Variants in PATJ observed in about 807,000 individuals in gnomAD.
The protein encoded by PATJ is inaD-like protein.
In PATJ, 190 loss-of-function variants were observed where a neutral mutation model predicts 224.9. The ratio of observed to expected loss-of-function variants is 0.84; its 90% CI spans 0.75 to 0.95. The LOEUF is 0.95. PATJ is among the 40% of genes least tolerant of loss of function. The pLI is 0.00. For synonymous variants in PATJ, 769 were observed against 820.3 expected, an observed-to-expected ratio of 0.94 and a Z score of 1.07; for missense variants, 2,121 against 2,270.3, an observed-to-expected ratio of 0.93 and a Z score of 1.34.
At chr1:61,930,365 C>G (rs1024631818) in intron 27 of PATJ, among the ~76,000 whole-genome samples, 4 of 152,212 alleles carry the variant, frequency 2.6e-5, no homozygotes, top group African/African-American at 9.6e-5. Flanking sequence ...AATGAACACT[C>G]TGCTCATCTG....
At chr1:62,083,148 C>T (rs913992030) in intron 32 of PATJ, among the ~76,000 whole-genome samples, 8 of 152,114 alleles carry the variant, frequency 5.3e-5, no homozygotes, top group Admixed American at 2.0e-4. Context: ...CATTTTGAGA[C>T]GGAGTTTCAC....
chr1:62,007,557 G>C (rs1646166244), intron 28 of PATJ, among the ~76,000 whole-genome samples: 1 of 152,228 alleles, frequency 6.6e-6, no homozygotes, highest in Non-Finnish European at 1.5e-5. Flanking sequence ...TTCAGAATTA[G>C]CAGGAGCCTA....
At chr1:62,106,079 T>TATACACACACAC (rs1313613418) in intron 33 of PATJ, among the ~76,000 whole-genome samples, 75 of 20,768 alleles carry the variant, frequency 3.6e-3, no homozygotes, top group African/African-American at 0.011. Context: ...TATATATATA[T>TATACACACACAC]ACACACACAC....
rs1669871558 is a variant in PATJ at position 62,161,967 on chromosome 1, C to T, written c.*913C>T. The T allele has an allele frequency of 6.6e-6, 1 of 152,204 alleles. No homozygotes were observed. Among genetic ancestry groups the T allele is most frequent in the Admixed American group, 6.5e-5 (1 of 15,280 alleles). The allele number at this position is 152,204 out of a possible 1,614,324, so 9.4% of individuals were successfully genotyped here. On this transcript the variant is annotated 3_prime_UTR_variant, in exon 44 of 44. Coordinates refer to ENST00000642238, the MANE Select transcript of PATJ (RefSeq NM_001350145.3). Reference sequence around the variant, plus strand: ...CTTATGGTCAAATAAGTCTCAAATTCATTTCTCTGGATAGATCTTTATATG... The same window carrying T: ...CTTATGGTCAAATAAGTCTCAAATTTATTTCTCTGGATAGATCTTTATATG...
intron 31 of PATJ, among the ~76,000 whole-genome samples, chr1:62,058,463 A>G (rs918462462): frequency 2.3e-4 from 35 of 152,342 alleles, no homozygotes; most frequent in African/African-American, 8.2e-4. Context: ...GCTTTTCCAG[A>G]TGAAAAAGGC....
rs543891459 is a variant in PATJ at position 61,851,978 on chromosome 1, A to G, written c.2113-4052A>G. Among the ~76,000 whole-genome samples the G allele has an allele frequency of 1.8e-3, 275 of 152,188 alleles. 1 individual carries two copies. The highest frequency in any genetic ancestry group is 6.2e-3 in the African/African-American group (257 of 41,522). Reference sequence around the variant, plus strand: ...CACTTGAGGCCAGGAGTTCGAGACCAGCCTAGCCAATATGGCAAAACCCCA... The same window carrying G: ...CACTTGAGGCCAGGAGTTCGAGACCGGCCTAGCCAATATGGCAAAACCCCA... On this transcript the variant is annotated intron_variant, in intron 17 of 43. Transcript: ENST00000642238.
At chr1:62,015,014 C>T (rs1200042439) in intron 28 of PATJ, among the ~76,000 whole-genome samples, 1 of 151,990 alleles carries the variant, frequency 6.6e-6, no homozygotes, top group African/African-American at 2.4e-5. Context: ...AGAATAGAAA[C>T]GTATGCCGGG....
chr1:61,988,541 A>C (rs529679902), intron 27 of PATJ, among the ~76,000 whole-genome samples: 1 of 152,300 alleles, frequency 6.6e-6, no homozygotes, highest in Admixed American at 6.5e-5. Flanking sequence ...TATAGTTAAC[A>C]GTTTTGTGAT....
chr1:62,086,457 C>T lies in PATJ; in HGVS notation c.4377+1809C>T, dbSNP rs185710986. Reference sequence around the variant, plus strand: ...GGGCGACTCCCTAGAGACAATCACTCTTGTTAATGAATATGTTTTAAATGA... The same window carrying T: ...GGGCGACTCCCTAGAGACAATCACTTTTGTTAATGAATATGTTTTAAATGA... On this transcript the variant is annotated intron_variant, in intron 33 of 43. Transcript: ENST00000642238. This position sits in a 1 kb window ranked among gnomAD's most constrained non-coding sequence, Gnocchi z 4.0. Among the ~76,000 whole-genome samples the T allele has an allele frequency of 6.6e-6, 1 of 152,292 alleles. No individual in the cohort carries two copies. Among genetic ancestry groups the T allele is most frequent in the East Asian group, 1.9e-4 (1 of 5,192 alleles).
chr1:61,842,497 G>A (rs1314691991), intron 17 of PATJ, among the ~76,000 whole-genome samples: 1 of 152,124 alleles, frequency 6.6e-6, no homozygotes, highest in Non-Finnish European at 1.5e-5. Flanking sequence ...CATACTTGAA[G>A]GCATTGTTGA....
In PATJ at chr1:62,117,177, G is replaced by C; in HGVS notation, c.4849G>C (p.Gly1617Arg). 6.2e-7 allele frequency: 1 copy of C among 1,614,116 alleles called. No individual in the cohort carries two copies. Reference sequence around the variant, plus strand: ...GCTAGAGATTGGAAGACTCCGAGCTGGTTCCTGGACCTCCGCAAGGACGAC... The same window carrying C: ...GCTAGAGATTGGAAGACTCCGAGCTCGTTCCTGGACCTCCGCAAGGACGAC... ...VQLEIGRLRA[G>R]SWTSARTTSQ... Residue 1617 changes from glycine to arginine, a missense_variant, in exon 37 of 44, where the codon GGT becomes CGT. Coordinates refer to ENST00000642238, the MANE Select transcript of PATJ (RefSeq NM_001350145.3).
intron 6 of PATJ, among the ~76,000 whole-genome samples, chr1:61,773,346 A>T (rs952433049): frequency 6.6e-6 from 1 of 151,980 alleles, no homozygotes; most frequent in African/African-American, 2.4e-5. Context: ...TTTATTTAAG[A>T]CTGCATAGTA....
intron 20 of PATJ, among the ~76,000 whole-genome samples, chr1:61,865,895 C>T (rs1665349359): frequency 6.6e-6 from 1 of 152,120 alleles, no homozygotes; most frequent in African/African-American, 2.4e-5. Context: ...TTAGACATTT[C>T]CTCACTTTGT....
At chr1:61,928,506 CAT>C (rs1447585294) in intron 27 of PATJ, among the ~76,000 whole-genome samples, 2 of 152,112 alleles carry the variant, frequency 1.3e-5, no homozygotes, top group South Asian at 2.1e-4. Flanking sequence ...GTATGTGAAA[CAT>C]ATGTTTCCTT....
chr1:62,085,791 C>A (rs1342284526), intron 33 of PATJ, among the ~76,000 whole-genome samples: 2 of 148,544 alleles, frequency 1.3e-5, no homozygotes, highest in Non-Finnish European at 3.0e-5. Flanking sequence ...TATACTCCAG[C>A]CTGAGCAACA....
chr1:61,801,409 T>C (rs1652465701), intron 11 of PATJ, among the ~76,000 whole-genome samples: 1 of 152,190 alleles, frequency 6.6e-6, no homozygotes, highest in Admixed American at 6.5e-5. Flanking sequence ...CATTAATAAG[T>C]TCATTTTTTA....
chr1:61,927,320 T>C (rs1184446634), intron 26 of PATJ, among the ~76,000 whole-genome samples: 2 of 152,218 alleles, frequency 1.3e-5, no homozygotes, highest in Non-Finnish European at 2.9e-5. Flanking sequence ...TTTAAATCAT[T>C]GTAGAATTAA....
At chr1:62,036,807 G>A (rs1352909041) in intron 29 of PATJ, among the ~76,000 whole-genome samples, 3 of 139,804 alleles carry the variant, frequency 2.1e-5, no homozygotes, top group Admixed American at 1.5e-4. Flanking sequence ...AGGAGGTGGA[G>A]GCTGCAGTGA....
At position 61,899,638 on chromosome 1, in the gene PATJ, T is replaced by A; in HGVS notation, c.3187T>A (p.Trp1063Arg). 6.2e-7 allele frequency: 1 copy of A among 1,609,216 alleles called. No homozygotes were observed. The highest frequency in any genetic ancestry group is 1.1e-5 in the South Asian group (1 of 90,748). Residue 1063 changes from tryptophan (W) to arginine (R), a missense_variant, in exon 23 of 44, where the codon TGG becomes AGG. Physicochemically the swap from Trp to Arg is moderately radical, Grantham distance 101. Coordinates refer to ENST00000642238, the MANE Select transcript of PATJ (RefSeq NM_001350145.3). ...EGEETPNFSH[W>R]GPPRIVEIFR... ...AGAAGAAACTCCAAATTTTAGCCAC[T>A]GGGGTCCACCGAGAATGTATGTGGA... is the stretch of plus-strand genomic sequence containing the variant.
Sources: allele counts gnomAD v4.1 joint callset (sites outside exome capture counted in the v4.1 genomes callset), GRCh38; gene constraint gnomAD v4.1.1; non-coding constraint Gnocchi (gnomAD v3.1); transcripts MANE v1.5; gene names NCBI Gene and HGNC (gene_info 2026-07-23, HGNC 2026-07-21).